Variants in VTI1A observed in about 807,000 individuals in gnomAD.
VTI1A encodes the protein vesicle transport through interaction with t-SNAREs 1A.
A neutral mutation model predicts 34.9 loss-of-function variants in VTI1A; 22 were observed. That is an observed-to-expected ratio of 0.63 (90% CI 0.45 to 0.90). The LOEUF is 0.90. Among genes scored for constraint, VTI1A ranks in the 40% least tolerant of loss-of-function variants. The probability of loss-of-function intolerance (pLI) is 0.00; values close to 1 mark genes in which losing one functional copy is unlikely to be tolerated. For missense variants in VTI1A, 268 were observed against 275.6 expected (o/e 0.97, Z 0.20); for synonymous variants, 87 against 97.3 (o/e 0.89, Z 0.62).
chr10:112,736,606 G>A, intron 7 of VTI1A: 1 of 1,477,924 alleles, frequency 6.8e-7, no homozygotes, highest in Non-Finnish European at 9.0e-7. Flanking sequence ...CCTCTGATAA[G>A]AAACCAAAGC....
chr10:112,822,215 C>T (rs1420476157), downstream of VTI1A, among the ~76,000 whole-genome samples: 1 of 152,154 alleles, frequency 6.6e-6, no homozygotes, highest in Non-Finnish European at 1.5e-5. Context: ...TGCCCCGTAT[C>T]AGCTGCCTTC....
chr10:112,502,852 A>G (rs1473047882), intron 3 of VTI1A, among the ~76,000 whole-genome samples: 1 of 152,194 alleles, frequency 6.6e-6, no homozygotes, highest in African/African-American at 2.4e-5. Context: ...TTCTTTTATC[A>G]TAATTAACTT....
intron 5 of VTI1A, among the ~76,000 whole-genome samples, chr10:112,588,941 A>G (rs1333964429): frequency 1.3e-5 from 2 of 150,706 alleles, no homozygotes; most frequent in Non-Finnish European, 2.9e-5. Context: ...GGATAGAGGT[A>G]TTTATTTCAG....
At chr10:112,678,963 G>C (rs767500495) in intron 7 of VTI1A, among the ~76,000 whole-genome samples, 9 of 133,304 alleles carry the variant, frequency 6.8e-5, no homozygotes, top group Non-Finnish European at 1.2e-4. Context: ...GGAATATGTG[G>C]CTTGTTTTCA....
At chr10:112,748,360 TA>T (rs1411675673) in intron 7 of VTI1A, among the ~76,000 whole-genome samples, 1 of 152,164 alleles carries the variant, frequency 6.6e-6, no homozygotes, top group Non-Finnish European at 1.5e-5. Context: ...TGTAGAACAC[TA>T]AAAAAGCTAT....
At chr10:112,723,603 AC>A in intron 7 of VTI1A, among the ~76,000 whole-genome samples, 1 of 152,170 alleles carries the variant, frequency 6.6e-6, no homozygotes, top group Non-Finnish European at 1.5e-5. Flanking sequence ...CAGATGGCCC[AC>A]CCTGCTGATC....
At chr10:112,784,042 T>C (rs543370584) in intron 7 of VTI1A, among the ~76,000 whole-genome samples, 1 of 152,348 alleles carries the variant, frequency 6.6e-6, no homozygotes, top group South Asian at 2.1e-4. Flanking sequence ...GGATGAATAA[T>C]ATCTTTTAAA....
rs185940651 is a variant in VTI1A, at chr10:112,695,376, T to C, written c.560+26378T>C. Among the ~76,000 whole-genome samples, 147 of 110,138 alleles carry C rather than the reference T, an allele frequency of 1.3e-3. 3 individuals carry two copies. In the East Asian group the frequency reaches 0.029, roughly 22 times the overall value. The allele number at this position is 110,138 out of a possible 152,430, so 72.3% of individuals were successfully genotyped here. A position where few individuals can be genotyped will look rare whatever the true frequency, so the allele number is the denominator to read the frequency against. On this transcript the variant is annotated intron_variant, in intron 7 of 7. Coordinates refer to ENST00000393077, the MANE Select transcript of VTI1A (RefSeq NM_145206.4). ...ATCTAATTAAGCCTTCAAATGACAT[T>C]TTTTTTTAAGGGTAAGGTATAAAGA...
intron 5 of VTI1A, among the ~76,000 whole-genome samples, chr10:112,559,075 C>T (rs529251503): frequency 1.3e-5 from 2 of 152,232 alleles, no homozygotes; most frequent in South Asian, 2.1e-4. Flanking sequence ...CTCAGATCCA[C>T]CATCAGCTTA....
chr10:112,738,080 A>G (rs529795045), intron 7 of VTI1A, among the ~76,000 whole-genome samples: 2 of 152,332 alleles, frequency 1.3e-5, no homozygotes, highest in South Asian at 4.1e-4. Flanking sequence ...TGTTGGGGCA[A>G]ATGGAATACT....
chr10:112,619,108 T>A (rs940884830), intron 5 of VTI1A, among the ~76,000 whole-genome samples: 2 of 151,966 alleles, frequency 1.3e-5, no homozygotes, highest in Admixed American at 1.3e-4. Context: ...TGCAGTGTGT[T>A]CAGAAAATTG....
intron 7 of VTI1A, among the ~76,000 whole-genome samples, chr10:112,678,816 G>A (rs1347835311): frequency 2.0e-5 from 3 of 152,144 alleles, no homozygotes; most frequent in Admixed American, 6.5e-5. Flanking sequence ...TGCAGTTAGG[G>A]AGACAAGGCA....
chr10:112,477,935 T>C (rs1848329637), intron 3 of VTI1A, among the ~76,000 whole-genome samples: 1 of 152,164 alleles, frequency 6.6e-6, no homozygotes, highest in Non-Finnish European at 1.5e-5. Flanking sequence ...GGAAATGTAA[T>C]TTTTAAAGTA....
intron 5 of VTI1A, among the ~76,000 whole-genome samples, chr10:112,553,191 A>C (rs986621405): frequency 3.3e-5 from 5 of 152,246 alleles, no homozygotes; most frequent in African/African-American, 1.2e-4. Flanking sequence ...CCAAGTGCCA[A>C]GTCAGGTCAC....
At chr10:112,479,943 A>G (rs544643007) in intron 3 of VTI1A, among the ~76,000 whole-genome samples, 1 of 152,090 alleles carries the variant, frequency 6.6e-6, no homozygotes, top group South Asian at 2.1e-4. Context: ...GGATGACTCA[A>G]TTATTGAATC....
chr10:112,654,982 A>T (rs1009886184), intron 5 of VTI1A, among the ~76,000 whole-genome samples: 1 of 152,176 alleles, frequency 6.6e-6, no homozygotes, highest in African/African-American at 2.4e-5. Flanking sequence ...ATAAAACTTT[A>T]TTTACAAAAA....
At chr10:112,838,335 T>C in the VTI1A span, among the ~76,000 whole-genome samples, 4 of 152,218 alleles carry the variant, frequency 2.6e-5, no homozygotes, top group African/African-American at 9.6e-5. Context: ...CCCAGGGACC[T>C]GGGAGCAGAG....
chr10:112,602,593 T>G (rs1844918366), intron 5 of VTI1A, among the ~76,000 whole-genome samples: 1 of 152,258 alleles, frequency 6.6e-6, no homozygotes, highest in African/African-American at 2.4e-5. Context: ...CACAATTGAT[T>G]ATGTTTTTAA....
chr10:112,484,571 CCTTGTCAGAG>C (rs763386758), intron 3 of VTI1A, among the ~76,000 whole-genome samples: 18 of 152,246 alleles, frequency 1.2e-4, no homozygotes, highest in Non-Finnish European at 2.4e-4. Flanking sequence ...CACACTGTTT[CCTTGTCAGAG>C]CTGAAATGAT....
Sources: gnomAD v4.1 joint callset for allele counts (sites outside exome capture counted in the v4.1 genomes callset) on GRCh38, gnomAD v4.1.1 for gene constraint, MANE v1.5 for transcripts, NCBI Gene and HGNC (gene_info 2026-07-23, HGNC 2026-07-21) for gene names.